NRG3: variants seen among roughly 807,000 people sequenced by gnomAD.
NRG3 encodes the protein pro-neuregulin-3, membrane-bound isoform.
A neutral mutation model predicts 66.9 loss-of-function variants in NRG3; 31 were observed. The ratio of observed to expected loss-of-function variants is 0.46; its 90% CI spans 0.35 to 0.63. The LOEUF is 0.63. Ranked by LOEUF, NRG3 falls within the 20% of genes least tolerant of loss-of-function variation. The pLI, the probability that NRG3 is intolerant of heterozygous loss-of-function variation, is 0.00. For missense variants in NRG3, 910 were observed against 878.9 expected (o/e 1.04, Z -0.45); for synonymous variants, 393 against 359.4 (o/e 1.09, Z -1.06).
At chr10:82,466,664 G>A (rs1323830609) in intron 2 of NRG3, among the ~76,000 whole-genome samples, 2 of 152,118 alleles carry the variant, frequency 1.3e-5, no homozygotes, top group Admixed American at 6.5e-5. Context: ...TGGGGTCAGC[G>A]ACTCTGGAAA....
chr10:82,301,302 C>T (rs1589646715), intron 1 of NRG3, among the ~76,000 whole-genome samples: 1 of 152,078 alleles, frequency 6.6e-6, no homozygotes, highest in East Asian at 1.9e-4. Flanking sequence ...TCTTAATTTT[C>T]AAGTGTTTAT....
intron 2 of NRG3, among the ~76,000 whole-genome samples, chr10:82,480,223 C>A (rs993993286): frequency 6.6e-6 from 1 of 152,100 alleles, no homozygotes; most frequent in African/African-American, 2.4e-5. Flanking sequence ...TGGCAATTTA[C>A]AAGTATAAGG....
At chr10:82,051,065 C>G (rs1257943690) in intron 1 of NRG3, among the ~76,000 whole-genome samples, 1 of 151,994 alleles carries the variant, frequency 6.6e-6, no homozygotes, top group Non-Finnish European at 1.5e-5. Context: ...AGCAATATAT[C>G]GAGAATTCTT....
intron 4 of NRG3, among the ~76,000 whole-genome samples, chr10:82,895,221 C>T (rs1303705097): frequency 1.3e-5 from 2 of 152,018 alleles, no homozygotes; most frequent in African/African-American, 4.8e-5. Flanking sequence ...AGATGCTATT[C>T]CCACTGAGCT....
chr10:82,677,144 C>T (rs997454393), intron 2 of NRG3, among the ~76,000 whole-genome samples: 2 of 150,958 alleles, frequency 1.3e-5, no homozygotes, highest in African/African-American at 2.4e-5. Context: ...ACTACAATCT[C>T]GGGCTCAAGC....
At chr10:81,928,358 G>T (rs1260605065) in intron 1 of NRG3, among the ~76,000 whole-genome samples, 2 of 152,076 alleles carry the variant, frequency 1.3e-5, no homozygotes, top group Non-Finnish European at 2.9e-5. Context: ...TCTTTCTCAG[G>T]TAGTGCGGAG....
intron 1 of NRG3, among the ~76,000 whole-genome samples, chr10:82,253,914 A>G (rs2077594530): frequency 6.6e-6 from 1 of 152,120 alleles, no homozygotes; most frequent in South Asian, 2.1e-4. Context: ...CTTCTTTCCA[A>G]TTCAATGTAT....
At chr10:82,895,074 C>T (rs967950180) in intron 4 of NRG3, among the ~76,000 whole-genome samples, 9 of 152,148 alleles carry the variant, frequency 5.9e-5, no homozygotes, top group Non-Finnish European at 1.3e-4. Flanking sequence ...GACATGAACT[C>T]ATTCTTTTTT....
intron 2 of NRG3, among the ~76,000 whole-genome samples, chr10:82,695,265 C>G (rs1162490399): frequency 1.3e-5 from 2 of 152,006 alleles, no homozygotes; most frequent in Non-Finnish European, 2.9e-5. Context: ...AATGTCCCAT[C>G]TAATTCTTTA....
At chr10:82,294,529 GT>G (rs2079945652) in intron 1 of NRG3, among the ~76,000 whole-genome samples, 1 of 151,920 alleles carries the variant, frequency 6.6e-6, no homozygotes, top group African/African-American at 2.4e-5. Context: ...CCTCCGTATT[GT>G]GCTGTAAGAC....
At position 82,330,856 on chromosome 10, in the gene NRG3, G is replaced by A. The variant is rs992485735; in HGVS notation, c.824-27883G>A. 2.6e-5 allele frequency among the ~76,000 whole-genome samples: 4 copies of A among 152,006 alleles called. No individual in the cohort carries two copies. The East Asian group carries it at 7.7e-4, about 29-fold the overall frequency. The stretch of plus-strand genomic sequence containing the variant: ...TGATGACATTAACCAGTGTGACTGG[G>A]GAATGATTCTGTTGTCCACTGATCC... On this transcript the variant is annotated intron_variant, in intron 1 of 8. Coordinates refer to ENST00000372141, the MANE Select transcript of NRG3 (RefSeq NM_001010848.4).
intron 2 of NRG3, among the ~76,000 whole-genome samples, chr10:82,712,901 G>T (rs2056757489): frequency 6.6e-6 from 1 of 151,966 alleles, no homozygotes; most frequent in Non-Finnish European, 1.5e-5. Context: ...AGACGGATCA[G>T]TTGAGGTCAG....
chr10:82,981,660 G>A (rs1002435521), intron 8 of NRG3, among the ~76,000 whole-genome samples: 1 of 152,162 alleles, frequency 6.6e-6, no homozygotes, highest in African/African-American at 2.4e-5. Context: ...CTTCAGCCCA[G>A]CTTGAACCTA....
intron 1 of NRG3, among the ~76,000 whole-genome samples, chr10:82,340,229 A>G (rs891315980): frequency 2.0e-5 from 3 of 152,132 alleles, no homozygotes; most frequent in Admixed American, 1.3e-4. Flanking sequence ...TTCCTATGCA[A>G]AGGCTGCATT....
At chr10:82,836,043 A>G (rs2062758845) in intron 3 of NRG3, among the ~76,000 whole-genome samples, 1 of 152,184 alleles carries the variant, frequency 6.6e-6, no homozygotes. Flanking sequence ...TGGTCTTCAC[A>G]TTTTTAAAAA....
chr10:82,923,614 A>C (rs1846675348), intron 4 of NRG3, among the ~76,000 whole-genome samples: 1 of 152,262 alleles, frequency 6.6e-6, no homozygotes, highest in Non-Finnish European at 1.5e-5. Context: ...GATTTGGTAA[A>C]TATACAAATG....
intron 1 of NRG3, among the ~76,000 whole-genome samples, chr10:82,260,224 T>C (rs1358608033): frequency 6.6e-6 from 1 of 152,210 alleles, no homozygotes; most frequent in East Asian, 1.9e-4. Flanking sequence ...GCAAAATCAC[T>C]GAGTTTGGCG....
chr10:81,893,958 G>C (rs1248531032), intron 1 of NRG3, among the ~76,000 whole-genome samples: 1 of 152,152 alleles, frequency 6.6e-6, no homozygotes, highest in Non-Finnish European at 1.5e-5. Flanking sequence ...GGGTCACATG[G>C]AGTCCCCAGG....
chr10:82,824,947 A>G (rs1404974546), intron 3 of NRG3, among the ~76,000 whole-genome samples: 1 of 152,102 alleles, frequency 6.6e-6, no homozygotes, highest in Non-Finnish European at 1.5e-5. Context: ...CCTGGACTCA[A>G]GACATCCTCC....
Sources: gnomAD v4.1 joint callset for allele counts (sites outside exome capture counted in the v4.1 genomes callset) on GRCh38, gnomAD v4.1.1 for gene constraint, MANE v1.5 for transcripts, NCBI Gene and HGNC (gene_info 2026-07-23, HGNC 2026-07-21) for gene names.